PCDH9: variants seen among roughly 807,000 people sequenced by gnomAD.
PCDH9 encodes protocadherin-9.
Under a neutral mutation model 70.6 loss-of-function variants are expected in PCDH9, and 24 were observed. The ratio of observed to expected loss-of-function variants is 0.34; its 90% CI spans 0.25 to 0.48. The LOEUF is 0.48. Ranked by LOEUF, PCDH9 falls within the 20% of genes least tolerant of loss-of-function variation. The probability of loss-of-function intolerance (pLI) is 0.99; values close to 1 mark genes in which losing one functional copy is unlikely to be tolerated. For synonymous variants in PCDH9, 562 were observed against 558.5 expected (o/e 1.01, Z -0.09); for missense variants, 1,281 against 1,503.6 (o/e 0.85, Z 2.45).
intron 4 of PCDH9, among the ~76,000 whole-genome samples, chr13:66,441,087 G>C (rs1957965811): frequency 6.6e-6 from 1 of 152,124 alleles, no homozygotes; most frequent in Non-Finnish European, 1.5e-5. Flanking sequence ...ACTAAGAAAT[G>C]AGTTTTCCTA....
chr13:66,834,150 C>T (rs949969688), intron 3 of PCDH9, among the ~76,000 whole-genome samples: 2 of 143,172 alleles, frequency 1.4e-5, no homozygotes, highest in Non-Finnish European at 3.0e-5. Flanking sequence ...TTTTATATAC[C>T]TATGGTCTTT....
chr13:66,890,448 C>CT (rs36076373), intron 3 of PCDH9, among the ~76,000 whole-genome samples: 34,033 of 100,194 alleles, frequency 0.34, 5,671 homozygotes, highest in Non-Finnish European at 0.39. Context: ...GACTTCTGAA[C>CT]TTTTTTTTTT....
At chr13:66,566,252 A>G (rs997639901) in intron 4 of PCDH9, among the ~76,000 whole-genome samples, 1 of 152,190 alleles carries the variant, frequency 6.6e-6, no homozygotes, top group Non-Finnish European at 1.5e-5. Flanking sequence ...TTATACAAGA[A>G]AGAACTAATG....
intron 4 of PCDH9, among the ~76,000 whole-genome samples, chr13:66,467,804 C>A (rs938304076): frequency 1.3e-5 from 2 of 152,064 alleles, no homozygotes; most frequent in Non-Finnish European, 2.9e-5. Context: ...TTATTTATAG[C>A]AAAAATTCTT....
chr13:67,100,221 A>T (rs1304031582), intron 2 of PCDH9, among the ~76,000 whole-genome samples: 3 of 152,200 alleles, frequency 2.0e-5, no homozygotes, highest in African/African-American at 2.4e-5. Flanking sequence ...ATTGCTTTTT[A>T]AAATTCTCAT....
chr13:66,586,129 T>G (rs928890554), intron 4 of PCDH9, among the ~76,000 whole-genome samples: 2 of 152,196 alleles, frequency 1.3e-5, no homozygotes, highest in Admixed American at 6.5e-5. Flanking sequence ...GATGGCTTAA[T>G]AGCTTTATTT....
At chr13:66,572,236 C>G (rs1285966085) in intron 4 of PCDH9, among the ~76,000 whole-genome samples, 1 of 152,134 alleles carries the variant, frequency 6.6e-6, no homozygotes, top group Non-Finnish European at 1.5e-5. Flanking sequence ...CATTCCAAAT[C>G]TTCTAGCTAT....
At chr13:66,415,652 C>A (rs888051521) in intron 4 of PCDH9, among the ~76,000 whole-genome samples, 4 of 152,070 alleles carry the variant, frequency 2.6e-5, no homozygotes, top group Non-Finnish European at 2.9e-5. Flanking sequence ...CTTCTTTCAA[C>A]CTGCACTCAA....
At chr13:66,945,517 T>C (rs188972983) in intron 2 of PCDH9, among the ~76,000 whole-genome samples, 1 of 152,190 alleles carries the variant, frequency 6.6e-6, no homozygotes, top group Non-Finnish European at 1.5e-5. Context: ...CTTTTTCATA[T>C]AGTTTTATTT....
At chr13:67,075,902 T>A (rs1594476617) in intron 2 of PCDH9, among the ~76,000 whole-genome samples, 1 of 152,134 alleles carries the variant, frequency 6.6e-6, no homozygotes, top group South Asian at 2.1e-4. Flanking sequence ...AGCCCCATTA[T>A]GCAACTGCAT....
intron 2 of PCDH9, chr13:67,211,853 T>C (rs1320278935): frequency 6.6e-6 from 1 of 152,122 alleles, no homozygotes; most frequent in East Asian, 1.9e-4. Flanking sequence ...CTATGTTCCA[T>C]ATCTGTGGTA....
In PCDH9 at chr13:67,228,446, T is replaced by C. The variant is rs762005337; in HGVS notation, c.-6A>G. 9 of 1,541,802 alleles carry C rather than the reference T, an allele frequency of 5.8e-6. No individual in the cohort carries two copies. The African/African-American group carries it at 1.1e-4, about 19-fold the overall frequency. ...TAAAAATCCCTCAGGTCCATGATAATGTATTTATTTTCTTTTCCTGGATTT... is the reference window on the plus strand; with the variant it reads ...TAAAAATCCCTCAGGTCCATGATAACGTATTTATTTTCTTTTCCTGGATTT... On this transcript the variant is annotated 5_prime_UTR_variant, in exon 2 of 5. Coordinates refer to ENST00000377865, the MANE Select transcript of PCDH9 (RefSeq NM_203487.3).
chr13:66,554,439 C>A (rs1450048505), intron 4 of PCDH9, among the ~76,000 whole-genome samples: 1 of 151,914 alleles, frequency 6.6e-6, no homozygotes, highest in Non-Finnish European at 1.5e-5. Context: ...TTCTAATCTG[C>A]CTTAACATTT....
chr13:66,715,505 T>C (rs888112608), intron 3 of PCDH9, among the ~76,000 whole-genome samples: 2 of 152,194 alleles, frequency 1.3e-5, no homozygotes, highest in African/African-American at 2.4e-5. Context: ...GTTGTATTTA[T>C]AGTATGCTTG....
At chr13:66,373,173 C>T (rs1240447321) in intron 4 of PCDH9, among the ~76,000 whole-genome samples, 1 of 151,866 alleles carries the variant, frequency 6.6e-6, no homozygotes, top group Non-Finnish European at 1.5e-5. Context: ...GAAGGAAATT[C>T]TGACACAAAC....
chr13:66,872,913 T>G (rs1017443776), intron 3 of PCDH9, among the ~76,000 whole-genome samples: 1 of 152,264 alleles, frequency 6.6e-6, no homozygotes, highest in South Asian at 2.1e-4. Context: ...GATGGCAACA[T>G]ACACACTGAT....
intron 2 of PCDH9, among the ~76,000 whole-genome samples, chr13:67,195,772 A>G (rs1434349254): frequency 1.3e-5 from 2 of 152,200 alleles, no homozygotes; most frequent in Non-Finnish European, 2.9e-5. Context: ...ATGACTCCAT[A>G]TATATGAAAT....
At chr13:66,886,281 A>T (rs936108245) in intron 3 of PCDH9, among the ~76,000 whole-genome samples, 3 of 152,182 alleles carry the variant, frequency 2.0e-5, no homozygotes, top group Non-Finnish European at 4.4e-5. Flanking sequence ...GAGGGGTTGC[A>T]GAAAAGGAAG....
At position 66,867,023 on chromosome 13, in the gene PCDH9, T is replaced by G. The variant is rs1453430259; in HGVS notation, c.3138+36481A>C. 3.3e-5 allele frequency among the ~76,000 whole-genome samples: 5 copies of G among 152,014 alleles called. No individual in the cohort carries two copies. In the South Asian group the frequency reaches 6.2e-4, roughly 19 times the overall value. ...GACCAAATCAGTTTCTTTCTTTTTTTTTTTTTTTGGCATTTAACAATTAAT... is the reference window on the plus strand; with the variant it reads ...GACCAAATCAGTTTCTTTCTTTTTTGTTTTTTTTGGCATTTAACAATTAAT... On this transcript the variant is annotated intron_variant, in intron 3 of 4. Transcript: ENST00000377865.
Sources: allele counts gnomAD v4.1 joint callset (sites outside exome capture counted in the v4.1 genomes callset), GRCh38; gene constraint gnomAD v4.1.1; transcripts MANE v1.5; gene names NCBI Gene and HGNC (gene_info 2026-07-23, HGNC 2026-07-21).